Variants in DCLK1 observed in about 807,000 individuals in gnomAD.
DCLK1 encodes serine/threonine-protein kinase DCLK1.
In DCLK1, 16 loss-of-function variants were observed where a neutral mutation model predicts 86.2. That is an observed-to-expected ratio of 0.19 (90% CI 0.13 to 0.28). The LOEUF is 0.28. Ranked by LOEUF, DCLK1 falls within the 10% of genes least tolerant of loss-of-function variation. The pLI is 1.00. For missense variants in DCLK1, 590 were observed against 940.2 expected, an observed-to-expected ratio of 0.63 and a Z score of 4.87; for synonymous variants, 369 against 370.5, an observed-to-expected ratio of 1.00 and a Z score of 0.05.
chr13:35,900,176 G>A (rs1029121461), intron 4 of DCLK1, among the ~76,000 whole-genome samples: 6 of 151,846 alleles, frequency 4.0e-5, no homozygotes, highest in African/African-American at 1.5e-4. Flanking sequence ...AAAAACAAAT[G>A]TAATCAGGGA....
intron 11 of DCLK1, among the ~76,000 whole-genome samples, chr13:35,811,507 C>A (rs1285914855): frequency 6.6e-6 from 1 of 151,856 alleles, no homozygotes; most frequent in Non-Finnish European, 1.5e-5. Flanking sequence ...GCAGTGTCTC[C>A]GATTTATGAA....
chr13:35,983,619 T>C (rs530630515), intron 3 of DCLK1, among the ~76,000 whole-genome samples: 177 of 152,316 alleles, frequency 1.2e-3, no homozygotes, highest in African/African-American at 4.2e-3. Context: ...TATAGTTGGA[T>C]TGTTTGCAAC....
intron 4 of DCLK1, among the ~76,000 whole-genome samples, chr13:35,883,635 G>A (rs1873051320): frequency 6.6e-6 from 1 of 152,188 alleles, no homozygotes. Flanking sequence ...TCTGATTTGT[G>A]AGTCTAAAAG....
At chr13:36,023,747 C>T (rs924043966) in intron 3 of DCLK1, among the ~76,000 whole-genome samples, 2 of 152,008 alleles carry the variant, frequency 1.3e-5, no homozygotes, top group African/African-American at 4.8e-5. Context: ...GTAAGAAAAA[C>T]TGGAAATAGA....
At chr13:35,909,351 C>T (rs1014562553) in intron 4 of DCLK1, among the ~76,000 whole-genome samples, 3 of 152,174 alleles carry the variant, frequency 2.0e-5, no homozygotes, top group African/African-American at 7.2e-5. Flanking sequence ...AGACGCTGTA[C>T]ATGTGACACA....
intron 6 of DCLK1, chr13:35,849,036 T>A (rs956805944): frequency 2.0e-6 from 2 of 985,214 alleles, no homozygotes; most frequent in Middle Eastern, 5.2e-4. Flanking sequence ...AATGTTTCAG[T>A]TTGCAGCTCT....
At chr13:36,124,001 G>T (rs376243447) in intron 2 of DCLK1, among the ~76,000 whole-genome samples, 1 of 152,142 alleles carries the variant, frequency 6.6e-6, no homozygotes, top group African/African-American at 2.4e-5. Context: ...ATCATTTCTG[G>T]GTGGGAAACT....
intron 3 of DCLK1, among the ~76,000 whole-genome samples, chr13:36,072,830 T>G (rs968164701): frequency 4.6e-5 from 7 of 152,244 alleles, no homozygotes; most frequent in African/African-American, 1.7e-4. Flanking sequence ...ACTACAGTCA[T>G]GAAAGTTGGA....
chr13:36,070,466 ATTAGGTTAGG>A (rs1243492750), intron 3 of DCLK1, among the ~76,000 whole-genome samples: 2 of 152,146 alleles, frequency 1.3e-5, no homozygotes, highest in Non-Finnish European at 2.9e-5. Flanking sequence ...GAGAATTTCT[ATTAGGTTAGG>A]TTAGATATTT....
At chr13:35,959,970 G>A (rs900291057) in intron 3 of DCLK1, among the ~76,000 whole-genome samples, 1 of 152,000 alleles carries the variant, frequency 6.6e-6, no homozygotes, top group African/African-American at 2.4e-5. Context: ...CTGGGAAAGG[G>A]TTGTGTTAGT....
chr13:35,953,821 G>A (rs993501106), intron 3 of DCLK1, among the ~76,000 whole-genome samples: 2 of 152,168 alleles, frequency 1.3e-5, no homozygotes, highest in African/African-American at 2.4e-5. Context: ...GCCTAGGCAA[G>A]GATATTTTCT....
At chr13:35,896,538 C>CAAAAAA (rs10675684) in intron 4 of DCLK1, among the ~76,000 whole-genome samples, 3 of 42,574 alleles carry the variant, frequency 7.0e-5, no homozygotes, top group Admixed American at 3.8e-4. Context: ...AATTCCACCT[C>CAAAAAA]AAAAAAAAAA....
intron 3 of DCLK1, among the ~76,000 whole-genome samples, chr13:35,996,291 C>T (rs191057745): frequency 6.6e-6 from 1 of 152,300 alleles, no homozygotes; most frequent in African/African-American, 2.4e-5. Flanking sequence ...ATTAAGGCCT[C>T]CCGTCTTCAT....
Position 36,042,106 on chromosome 13 carries a change from C to T in DCLK1, c.723+69763G>A, listed in dbSNP as rs573556806. On this transcript the variant is annotated intron_variant, in intron 3 of 16. Coordinates refer to ENST00000360631, the MANE Select transcript of DCLK1 (RefSeq NM_001330071.2). The stretch of plus-strand genomic sequence containing the variant: ...TGCTTCAGTGGCTCAGGTCTTTACT[C>T]CAAAAGAAATGGTAACACACAAGGC... Among the ~76,000 whole-genome samples, 37 of 151,988 alleles carry T rather than the reference C, an allele frequency of 2.4e-4. No individual in the cohort carries two copies. In the South Asian group the frequency reaches 7.0e-3, roughly 29 times the overall value.
rs1438812020 is a variant in DCLK1, at chr13:36,028,890, G to A, written c.724-81433C>T. On this transcript the variant is annotated intron_variant, in intron 3 of 16. Transcript: ENST00000360631. Reference sequence around the variant, plus strand: ...CATTTTATAGATGACATGGCATCAGGAAGTTAGCCTGTATGATCTAAAAAG... The same window carrying A: ...CATTTTATAGATGACATGGCATCAGAAAGTTAGCCTGTATGATCTAAAAAG... 1.3e-5 allele frequency among the ~76,000 whole-genome samples: 2 copies of A among 152,178 alleles called. 1 individual carries two copies. The highest frequency in any genetic ancestry group is 6.3e-3 in the Middle Eastern group (2 of 316).
At chr13:35,947,500 G>C (rs780566397) in intron 3 of DCLK1, 43 bp from the exon 4 acceptor site, 3 of 1,537,604 alleles carry the variant, frequency 2.0e-6, no homozygotes, top group Admixed American at 1.7e-5. Context: ...TGGTAGAACA[G>C]CAATTACAAC....
At chr13:36,036,087 C>T (rs991574726) in intron 3 of DCLK1, among the ~76,000 whole-genome samples, 2 of 152,070 alleles carry the variant, frequency 1.3e-5, no homozygotes, top group Non-Finnish European at 2.9e-5. Context: ...GAAGCACCTC[C>T]CCGTAAGACA....
chr13:36,109,071 TC>T (rs1885514788), intron 3 of DCLK1, among the ~76,000 whole-genome samples: 1 of 152,218 alleles, frequency 6.6e-6, no homozygotes, highest in African/African-American at 2.4e-5. Flanking sequence ...TTCTAAAGAC[TC>T]CTGGGGTCCA....
At chr13:36,097,416 A>G (rs1372413115) in intron 3 of DCLK1, among the ~76,000 whole-genome samples, 2 of 152,172 alleles carry the variant, frequency 1.3e-5, no homozygotes, top group African/African-American at 2.4e-5. Flanking sequence ...TTTAAAGTTG[A>G]CATGTTTTTA....
Sources: gnomAD v4.1 joint callset for allele counts (sites outside exome capture counted in the v4.1 genomes callset) on GRCh38, gnomAD v4.1.1 for gene constraint, MANE v1.5 for transcripts, NCBI Gene and HGNC (gene_info 2026-07-23, HGNC 2026-07-21) for gene names.